AGO4: variants seen among roughly 807,000 people sequenced by gnomAD.
AGO4 encodes the protein argonaute RISC component 4, also known as protein argonaute-4.
A neutral mutation model predicts 104.7 loss-of-function variants in AGO4; 33 were observed. The observed-to-expected ratio is 0.32, with a 90% CI of 0.24 to 0.42. The LOEUF is 0.42. Ranked by LOEUF, AGO4 falls within the 10% of genes least tolerant of loss-of-function variation. The pLI is 1.00. For missense variants in AGO4, 711 were observed against 1,083.4 expected, an observed-to-expected ratio of 0.66 and a Z score of 4.83; for synonymous variants, 331 against 364.7, an observed-to-expected ratio of 0.91 and a Z score of 1.05.
intron 15 of AGO4, among the ~76,000 whole-genome samples, chr1:35,842,473 C>G (rs1644468498): frequency 6.6e-6 from 1 of 152,360 alleles, no homozygotes; most frequent in Middle Eastern, 3.4e-3. Context: ...CTCAACTTCT[C>G]TAAGCCATAA....
chr1:35,815,143 G>A (rs1372454589), intron 1 of AGO4, among the ~76,000 whole-genome samples: 2 of 152,220 alleles, frequency 1.3e-5, no homozygotes, highest in Non-Finnish European at 2.9e-5. Flanking sequence ...CTCCCGAAGT[G>A]CTGGGATTAC....
At chr1:35,847,681 T>A (rs1384810387) in intron 15 of AGO4, among the ~76,000 whole-genome samples, 1 of 137,460 alleles carries the variant, frequency 7.3e-6, no homozygotes, top group Non-Finnish European at 1.5e-5. Context: ...TTTTAAAATG[T>A]GTATAAGTTT....
intron 15 of AGO4, among the ~76,000 whole-genome samples, chr1:35,844,210 T>C (rs953524180): frequency 4.6e-5 from 7 of 152,040 alleles, no homozygotes; most frequent in Non-Finnish European, 1.0e-4. Context: ...CTTGGCTACT[T>C]TTTTTGTATT....
At chr1:35,849,183 T>A (rs949345749) in intron 15 of AGO4, among the ~76,000 whole-genome samples, 1 of 152,138 alleles carries the variant, frequency 6.6e-6, no homozygotes, top group Non-Finnish European at 1.5e-5. Flanking sequence ...ATTTTGTCTG[T>A]AGAGTTTTTG....
intron 2 of AGO4, among the ~76,000 whole-genome samples, chr1:35,821,019 ATTG>A (rs1643876792): frequency 6.6e-6 from 1 of 152,136 alleles, no homozygotes; most frequent in South Asian, 2.1e-4. Flanking sequence ...CCACTTAATC[ATTG>A]TGTGATCAGG....
At chr1:35,852,377 C>A (rs889192049) in intron 17 of AGO4, among the ~76,000 whole-genome samples, 4 of 152,056 alleles carry the variant, frequency 2.6e-5, no homozygotes, top group Non-Finnish European at 5.9e-5. Flanking sequence ...CTTGTCAAGC[C>A]CTTTATATCA....
At chr1:35,845,566 C>T (rs932630132) in intron 15 of AGO4, among the ~76,000 whole-genome samples, 2 of 151,988 alleles carry the variant, frequency 1.3e-5, no homozygotes, top group Admixed American at 6.6e-5. Flanking sequence ...TGATATTTCC[C>T]GACATTTCAT....
chr1:35,827,704 C>A (rs1644060515), intron 7 of AGO4, among the ~76,000 whole-genome samples: 1 of 150,460 alleles, frequency 6.6e-6, no homozygotes, highest in South Asian at 2.1e-4. Context: ...CATAGATTAA[C>A]TTTTATTTAA....
rs2148677754 is a variant in AGO4 at position 35,841,041 on chromosome 1, TG to T, written c.1725-121del. On this transcript the variant is annotated intron_variant, in intron 13 of 17. Coordinates refer to ENST00000373210, the MANE Select transcript of AGO4 (RefSeq NM_017629.4). The surrounding 1 kb of genome is among the most constrained non-coding windows in gnomAD (Gnocchi z 4.7). ...AGTGGTCCGTAGTGTTCTTTCCCAA[TG>T]GGCTTAAGTCTTTGTTCTCTCTTAT... 2 of 1,027,766 alleles carry T rather than the reference TG, an allele frequency of 1.9e-6. No individual in the cohort carries two copies. The highest frequency in any genetic ancestry group is 3.3e-5 in the South Asian group (2 of 61,172). The allele number at this position is 1,027,766 out of a possible 1,614,324, so 63.7% of individuals were successfully genotyped here. A position where few individuals can be genotyped will look rare whatever the true frequency, so the allele number is the denominator to read the frequency against.
chr1:35,819,474 GATGT>G (rs1553144768), intron 2 of AGO4, among the ~76,000 whole-genome samples: 4 of 151,676 alleles, frequency 2.6e-5, no homozygotes, highest in Non-Finnish European at 5.9e-5. Context: ...CACATCTTTG[GATGT>G]GAGCACTTTG....
intron 17 of AGO4, 119 bp downstream of exon 17, chr1:35,851,172 A>G: frequency 9.6e-7 from 1 of 1,039,154 alleles, no homozygotes; most frequent in Non-Finnish European, 1.4e-6. Flanking sequence ...TGTAAGAAGC[A>G]AATAAAATTG....
chr1:35,844,337 C>A (rs1269246207), intron 15 of AGO4, among the ~76,000 whole-genome samples: 1 of 152,172 alleles, frequency 6.6e-6, no homozygotes, highest in South Asian at 2.1e-4. Context: ...AGCCACCACA[C>A]CTGTCCAAAA....
chr1:35,819,800 A>T (rs1396904519), intron 2 of AGO4, among the ~76,000 whole-genome samples: 1 of 133,124 alleles, frequency 7.5e-6, no homozygotes, highest in Non-Finnish European at 1.6e-5. Flanking sequence ...TCTGAGTCTT[A>T]AAAAAAAAAA....
At chr1:35,850,471 C>T (rs996038934) in intron 16 of AGO4, among the ~76,000 whole-genome samples, 2 of 152,054 alleles carry the variant, frequency 1.3e-5, no homozygotes, top group East Asian at 1.9e-4. Flanking sequence ...TTTCTCTTCT[C>T]GTGTCATGTC....
intron 1 of AGO4, among the ~76,000 whole-genome samples, chr1:35,809,966 G>A (rs901478228): frequency 6.6e-6 from 1 of 152,026 alleles, no homozygotes; most frequent in African/African-American, 2.4e-5. Context: ...TGTAACTGTG[G>A]GCATAAACTG....
intron 8 of AGO4, 113 bp downstream of exon 8, chr1:35,831,687 C>G: frequency 1.3e-6 from 2 of 1,533,530 alleles, no homozygotes; most frequent in Non-Finnish European, 1.8e-6. Flanking sequence ...ATATTTTTGG[C>G]AGATGATTTC....
chr1:35,850,136 A>G, intron 15 of AGO4, 21 bp from the exon 16 acceptor site: 1 of 1,537,758 alleles, frequency 6.5e-7, no homozygotes, highest in Non-Finnish European at 8.8e-7. Context: ...ATGACTAATT[A>G]CTTTTTTTTG....
chr1:35,825,967 T>C lies in AGO4; in HGVS notation c.667T>C (p.Phe223Leu). Residue 223 changes from phenylalanine to leucine, a missense_variant, in exon 6 of 18, where the codon TTC becomes CTC. Around this residue, in one of 3 missense-constraint regions of AGO4, gnomAD observed 308 missense variants for 397.8 expected, o/e 0.77. Coordinates refer to ENST00000373210, the MANE Select transcript of AGO4 (RefSeq NM_017629.4). The stretch of plus-strand genomic sequence containing the variant: ...CTACCGGGCTCAGCCTATCATTGAG[T>C]TCATGTGTGAGGTTTTAGACATTCA... ...AFYRAQPIIEFMCEVLDIQNI... is the reference protein window; with the variant it reads ...AFYRAQPIIELMCEVLDIQNI... 1 of 1,614,198 alleles carries C rather than the reference T, an allele frequency of 6.2e-7. No homozygotes were observed. Among genetic ancestry groups the C allele is most frequent in the Non-Finnish European group, 8.5e-7 (1 of 1,180,028 alleles).
chr1:35,817,917 T>C (rs1334886427), intron 2 of AGO4, among the ~76,000 whole-genome samples: 1 of 152,204 alleles, frequency 6.6e-6, no homozygotes, highest in Admixed American at 6.5e-5. Flanking sequence ...TTTTATTGAA[T>C]GTTTATTTTG....
Sources: gnomAD v4.1 joint callset for allele counts (sites outside exome capture counted in the v4.1 genomes callset) on GRCh38, gnomAD v4.1.1 for gene constraint, gnomAD v4.1.1 regional missense constraint, Gnocchi (gnomAD v3.1) non-coding constraint, MANE v1.5 for transcripts, NCBI Gene and HGNC (gene_info 2026-07-23, HGNC 2026-07-21) for gene names.